The following TCERG1L variants were observed in gnomAD, a reference collection of about 807,000 sequenced individuals.
TCERG1L encodes the protein transcription elongation regulator 1-like protein.
TCERG1L carries 37 observed loss-of-function variants against 56.3 expected under a neutral mutation model. That is an observed-to-expected ratio of 0.66 (90% CI 0.51 to 0.87). The LOEUF (loss-of-function observed/expected upper bound fraction) is 0.87, where lower values mean the gene tolerates loss of function less well. Ranked by LOEUF, TCERG1L falls within the 40% of genes least tolerant of loss-of-function variation. The pLI is 0.00. For missense variants in TCERG1L, 799 were observed against 774.2 expected (o/e 1.03, Z -0.38); for synonymous variants, 324 against 326.3 (o/e 0.99, Z 0.08).
intron 4 of TCERG1L, among the ~76,000 whole-genome samples, chr10:131,200,902 G>T (rs532308356): frequency 6.6e-6 from 1 of 152,136 alleles, no homozygotes; most frequent in Non-Finnish European, 1.5e-5. Flanking sequence ...CAAAGGGGAT[G>T]GAGGCCCTTA....
At chr10:131,190,897 G>C (rs1845294692) in intron 4 of TCERG1L, among the ~76,000 whole-genome samples, 1 of 143,514 alleles carries the variant, frequency 7.0e-6, no homozygotes, top group East Asian at 1.9e-4. Context: ...GAAATAAAAG[G>C]CATCCAAATT....
intron 5 of TCERG1L, among the ~76,000 whole-genome samples, chr10:131,164,872 A>G (rs1035918805): frequency 6.6e-5 from 10 of 152,136 alleles, no homozygotes; most frequent in African/African-American, 2.4e-4. Flanking sequence ...CCTCGTGGGG[A>G]GCCGCCAGCG....
At chr10:131,104,118 C>T (rs990262346) in intron 10 of TCERG1L, 147 bp downstream of exon 10, 1 of 585,158 alleles carries the variant, frequency 1.7e-6, no homozygotes, top group African/African-American at 1.9e-5. Flanking sequence ...GTCCCTCTAA[C>T]TCTTTTGTTC....
intron 3 of TCERG1L, among the ~76,000 whole-genome samples, chr10:131,270,402 T>C (rs1475444205): frequency 1.3e-5 from 2 of 152,212 alleles, no homozygotes; most frequent in Non-Finnish European, 2.9e-5. Context: ...AATCCCGTAG[T>C]TGAGTAAATA....
chr10:131,132,175 C>A (rs551620554), intron 8 of TCERG1L, among the ~76,000 whole-genome samples: 2 of 152,278 alleles, frequency 1.3e-5, no homozygotes, highest in African/African-American at 4.8e-5. Flanking sequence ...AATGAATGCG[C>A]AGGACGGGAT....
intron 9 of TCERG1L, among the ~76,000 whole-genome samples, chr10:131,105,630 G>C (rs1845345277): frequency 6.7e-6 from 1 of 148,998 alleles, no homozygotes. Context: ...ACTCATCCTT[G>C]TATTTATATT....
chr10:131,116,970 G>C (rs747318842), intron 8 of TCERG1L, 36 bp from the exon 9 acceptor site: 2 of 1,587,398 alleles, frequency 1.3e-6, no homozygotes, highest in South Asian at 1.1e-5. Context: ...AGACACACTC[G>C]TGGGGACCCA....
chr10:131,266,661 C>T (rs11017852), intron 3 of TCERG1L, among the ~76,000 whole-genome samples: 40,565 of 151,968 alleles, frequency 0.27, 6,015 homozygotes, highest in East Asian at 0.51. Flanking sequence ...ATGGGTGGCT[C>T]CTCTCTGCAG....
At chr10:131,134,557 C>T in intron 7 of TCERG1L, 109 bp from the exon 8 acceptor site, 1 of 794,022 alleles carries the variant, frequency 1.3e-6, no homozygotes, top group Non-Finnish European at 2.1e-6. Flanking sequence ...ATTAAGACAA[C>T]AGGCTTCTCT....
intron 4 of TCERG1L, among the ~76,000 whole-genome samples, chr10:131,229,941 GT>G (rs1845831130): frequency 6.6e-6 from 1 of 152,212 alleles, no homozygotes; most frequent in South Asian, 2.1e-4. Context: ...TCTCCCTTGT[GT>G]GGCATTGTAC....
At chr10:131,191,520 T>C (rs533413392) in intron 4 of TCERG1L, among the ~76,000 whole-genome samples, 2 of 143,572 alleles carry the variant, frequency 1.4e-5, no homozygotes, top group East Asian at 3.9e-4. Flanking sequence ...AACAGCATGG[T>C]ACTAGTAAAA....
At chr10:131,201,295 A>G (rs1362224520) in intron 4 of TCERG1L, among the ~76,000 whole-genome samples, 1 of 152,082 alleles carries the variant, frequency 6.6e-6, no homozygotes, top group Non-Finnish European at 1.5e-5. Context: ...ACACCTACAA[A>G]CACTCCACCA....
chr10:131,281,683 G>A (rs970359788), intron 3 of TCERG1L, among the ~76,000 whole-genome samples: 3 of 151,690 alleles, frequency 2.0e-5, no homozygotes, highest in Non-Finnish European at 1.5e-5. Flanking sequence ...CTACTCTCCC[G>A]ACGCTCCGTC....
At chr10:131,266,731 G>T (rs1053625679) in intron 3 of TCERG1L, among the ~76,000 whole-genome samples, 2 of 152,080 alleles carry the variant, frequency 1.3e-5, no homozygotes, top group Non-Finnish European at 1.5e-5. Flanking sequence ...GCTGCAGCTG[G>T]TCAACTGGAC....
At chr10:131,249,988 C>G (rs912138728) in intron 4 of TCERG1L, among the ~76,000 whole-genome samples, 1 of 152,250 alleles carries the variant, frequency 6.6e-6, no homozygotes, top group African/African-American at 2.4e-5. Context: ...TCAGAAAGAA[C>G]GCAAGAGCAA....
chr10:131,298,220 G>T (rs1846719812), intron 3 of TCERG1L, among the ~76,000 whole-genome samples: 1 of 148,450 alleles, frequency 6.7e-6, no homozygotes. Flanking sequence ...GACTTTTTTT[G>T]TGATATTGAT....
intron 4 of TCERG1L, among the ~76,000 whole-genome samples, chr10:131,248,201 TCA>T (rs10531109): frequency 0.11 from 15,890 of 144,992 alleles, 1,219 homozygotes; most frequent in African/African-American, 0.21. Context: ...CACACACTAC[TCA>T]CACACAACTC....
At chr10:131,291,170 A>G (rs1207189929) in intron 3 of TCERG1L, among the ~76,000 whole-genome samples, 1 of 152,088 alleles carries the variant, frequency 6.6e-6, no homozygotes, top group Non-Finnish European at 1.5e-5. Context: ...GTCTATTTTT[A>G]TTATAATATT....
chr10:131,305,107 C>T (rs903248455), intron 3 of TCERG1L, among the ~76,000 whole-genome samples: 5 of 152,108 alleles, frequency 3.3e-5, no homozygotes, highest in Admixed American at 2.0e-4. Flanking sequence ...GAGGATCCCC[C>T]GCTAAGGTTC....
Sources: allele counts gnomAD v4.1 joint callset (sites outside exome capture counted in the v4.1 genomes callset), GRCh38; gene constraint gnomAD v4.1.1; transcripts MANE v1.5; gene names NCBI Gene and HGNC (gene_info 2026-07-23, HGNC 2026-07-21).